The following HMGA1 variants were observed in gnomAD, a reference collection of about 807,000 sequenced individuals.
HMGA1 encodes the protein high mobility group AT-hook 1.
HMGA1 carries 1 observed loss-of-function variant against 15.1 expected under a neutral mutation model. That is an observed-to-expected ratio of 0.07 (90% CI 0.02 to 0.31). The LOEUF is 0.31. Ranked by LOEUF, HMGA1 falls within the 10% of genes least tolerant of loss-of-function variation. HMGA1 has a pLI of 1.00. For missense variants in HMGA1, 94 were observed against 141.4 expected (o/e 0.66, Z 1.70); for synonymous variants, 56 against 54.8 (o/e 1.02, Z -0.10).
intron 2 of HMGA1, among the ~76,000 whole-genome samples, chr6:34,240,037 C>T (rs1762169731): frequency 6.6e-6 from 1 of 152,136 alleles, no homozygotes; most frequent in Non-Finnish European, 1.5e-5. Context: ...TGGCTTTGGG[C>T]TCACTTTCCT....
chr6:34,243,236 C>A lies in HMGA1; in HGVS notation c.220-232C>A, dbSNP rs552545696. Among the ~76,000 whole-genome samples, 5 of 152,094 alleles carry A rather than the reference C, an allele frequency of 3.3e-5. No homozygotes were observed. Among genetic ancestry groups the A allele is most frequent in the African/African-American group, 1.2e-4 (5 of 41,426 alleles). ...TTTTTATTTTATTTTTTCTAAGACACGACTCATATCCTCTGAGTCATGGGC... is the reference window on the plus strand; with the variant it reads ...TTTTTATTTTATTTTTTCTAAGACAAGACTCATATCCTCTGAGTCATGGGC... On this transcript the variant is annotated intron_variant, in intron 4 of 5. Transcript: ENST00000311487.
chr6:34,242,819 C>G, intron 4 of HMGA1, 24 bp downstream of exon 4: 1 of 1,536,918 alleles, frequency 6.5e-7, no homozygotes, highest in Non-Finnish European at 8.9e-7. Context: ...TGGGACTACC[C>G]CTGGGTGGAT....
At chr6:34,238,542 C>T (rs1433529866) in intron 2 of HMGA1, among the ~76,000 whole-genome samples, 3 of 152,196 alleles carry the variant, frequency 2.0e-5, no homozygotes, top group Admixed American at 2.0e-4. Flanking sequence ...TTTCCTAGGG[C>T]CTTTCCTGCA....
chr6:34,242,859 A>G, intron 4 of HMGA1, 64 bp downstream of exon 4: 2 of 1,250,560 alleles, frequency 1.6e-6, no homozygotes, highest in East Asian at 5.1e-5. Context: ...TGTTGGCACC[A>G]TGGCCACGGC....
At position 34,245,119 on chromosome 6, in the gene HMGA1, TC is replaced by T; in HGVS notation, c.*241del. On this transcript the variant is annotated 3_prime_UTR_variant, in exon 6 of 6. Transcript: ENST00000311487. ...TTTTCCCCTGGCCTCAGTTCCCAGCTCCCCCCGCCCACCCACGCATACACAC... is the reference window on the plus strand; with the variant it reads ...TTTTCCCCTGGCCTCAGTTCCCAGCTCCCCCGCCCACCCACGCATACACAC... The T allele has an allele frequency of 2.7e-6, 4 of 1,501,594 alleles. No individual in the cohort carries two copies. The highest frequency in any genetic ancestry group is 2.0e-5 in the Admixed American group (1 of 49,636). 93.0% of individuals were successfully genotyped at this position (1,501,594 alleles called of 1,614,324 possible).
intron 2 of HMGA1, 23 bp from the exon 3 acceptor site, chr6:34,240,714 A>G: frequency 1.9e-6 from 3 of 1,590,766 alleles, no homozygotes; most frequent in Non-Finnish European, 2.6e-6. Context: ...ATGTTTGTCT[A>G]AAAGCACTTT....
chr6:34,246,153 A>G lies in HMGA1; in HGVS notation c.*1269A>G, dbSNP rs576111157. ...CCTGTTCTGTTGGGGAGGGGTAGCC[A>G]TGATTTGTCCCAGCCTGGGGCTCCC... is the stretch of plus-strand genomic sequence containing the variant. On this transcript the variant is annotated 3_prime_UTR_variant, in exon 6 of 6. Transcript: ENST00000311487. 9 of 245,148 alleles carry G rather than the reference A, an allele frequency of 3.7e-5. No individual in the cohort carries two copies. Among genetic ancestry groups the G allele is most frequent in the Admixed American group, 1.5e-4 (3 of 19,736 alleles). The allele number at this position is 245,148 out of a possible 1,614,324, so 15.2% of individuals were successfully genotyped here.
chr6:34,242,368 G>A (rs1330024866), intron 3 of HMGA1, among the ~76,000 whole-genome samples: 1 of 152,158 alleles, frequency 6.6e-6, no homozygotes, highest in Admixed American at 6.5e-5. Context: ...AGGAAACTGA[G>A]GCTCCAGCAT....
At chr6:34,238,015 A>G (rs953247577) in intron 2 of HMGA1, among the ~76,000 whole-genome samples, 2 of 151,928 alleles carry the variant, frequency 1.3e-5, no homozygotes, top group Non-Finnish European at 2.9e-5. Context: ...CTCTGTTGGA[A>G]CTAGTCCCTT....
chr6:34,242,818 C>G (rs952100296), intron 4 of HMGA1, 23 bp downstream of exon 4: 3 of 1,540,346 alleles, frequency 1.9e-6, no homozygotes, highest in Non-Finnish European at 2.7e-6. Flanking sequence ...ATGGGACTAC[C>G]CCTGGGTGGA....
At position 34,242,357 on chromosome 6, in the gene HMGA1, G is replaced by A. The variant is rs1179304945; in HGVS notation, c.136-355G>A. ...AGGGAAGTCTTCACCATTTATAGAT[G>A]AGGAAACTGAGGCTCCAGCATTAAG... is the stretch of plus-strand genomic sequence containing the variant. On this transcript the variant is annotated intron_variant, in intron 3 of 5. Coordinates refer to ENST00000311487, the MANE Select transcript of HMGA1 (RefSeq NM_145899.3). Among the ~76,000 whole-genome samples, 6 of 152,170 alleles carry A rather than the reference G, an allele frequency of 3.9e-5. No individual in the cohort carries two copies. In the East Asian group the frequency reaches 1.2e-3, roughly 29 times the overall value.
At chr6:34,242,525 G>GGT (rs1191925262) in intron 3 of HMGA1, among the ~76,000 whole-genome samples, 187 bp from the exon 4 acceptor site, 3 of 152,178 alleles carry the variant, frequency 2.0e-5, no homozygotes, top group African/African-American at 7.2e-5. Flanking sequence ...CAAGGGGAGA[G>GGT]GTGGGAGGCA....
chr6:34,238,144 C>T (rs1278918652), intron 2 of HMGA1, among the ~76,000 whole-genome samples: 1 of 152,160 alleles, frequency 6.6e-6, no homozygotes, highest in East Asian at 1.9e-4. Context: ...TGCCCCAAGG[C>T]GGGCTTGGGT....
chr6:34,238,277 G>T (rs1027810722), intron 2 of HMGA1, among the ~76,000 whole-genome samples: 1 of 152,068 alleles, frequency 6.6e-6, no homozygotes, highest in Admixed American at 6.5e-5. Flanking sequence ...CCTGGCCCCG[G>T]GTCCCGCCGG....
intron 2 of HMGA1, 72 bp downstream of exon 2, chr6:34,237,389 C>T (rs897347327): frequency 2.8e-5 from 4 of 144,966 alleles, no homozygotes; most frequent in Non-Finnish European, 4.6e-5. Context: ...CACGTCGCCC[C>T]TCCTGCGAGC....
rs1043126381 is a variant in HMGA1 at position 34,243,838 on chromosome 6, C to T, written c.270+320C>T. Among the ~76,000 whole-genome samples, 67 of 152,094 alleles carry T rather than the reference C, an allele frequency of 4.4e-4. 2 individuals carry two copies. The highest frequency in any genetic ancestry group is 9.8e-4 in the Admixed American group (15 of 15,274). On this transcript the variant is annotated intron_variant, in intron 5 of 5. Transcript: ENST00000311487. ...TCTTGGAAGTCATCTAGCCTGTGTC[C>T]CCCTCAATTAGAGATGAGGAAAGGA...
At chr6:34,241,375 A>G (rs1308292966) in intron 3 of HMGA1, among the ~76,000 whole-genome samples, 1 of 152,236 alleles carries the variant, frequency 6.6e-6, no homozygotes. Context: ...CTGAATACTT[A>G]TGGTCGATTC....
At chr6:34,241,055 C>A in intron 3 of HMGA1, 140 bp downstream of exon 3, 2 of 951,748 alleles carry the variant, frequency 2.1e-6, no homozygotes, top group Non-Finnish European at 3.3e-6. Context: ...GTCCTCCCAC[C>A]TGTGTGTACT....
intron 2 of HMGA1, among the ~76,000 whole-genome samples, chr6:34,238,260 C>T (rs1377903286): frequency 1.3e-5 from 2 of 152,146 alleles, no homozygotes; most frequent in East Asian, 1.9e-4. Flanking sequence ...CCCCTCCCCC[C>T]GCGCGCCCTG....
Sources: gnomAD v4.1 joint callset for allele counts (sites outside exome capture counted in the v4.1 genomes callset) on GRCh38, gnomAD v4.1.1 for gene constraint, MANE v1.5 for transcripts, NCBI Gene and HGNC (gene_info 2026-07-23, HGNC 2026-07-21) for gene names.